AUTS2: variants seen among roughly 807,000 people sequenced by gnomAD.
AUTS2 encodes the protein autism susceptibility gene 2 protein.
A neutral mutation model predicts 112.4 loss-of-function variants in AUTS2; 17 were observed. The ratio of observed to expected loss-of-function variants is 0.15; its 90% CI spans 0.10 to 0.23. The LOEUF (loss-of-function observed/expected upper bound fraction) is 0.23. Ranked by LOEUF, AUTS2 falls within the 10% of genes least tolerant of loss-of-function variation. The probability of loss-of-function intolerance (pLI) is 1.00; values close to 1 mark genes in which losing one functional copy is unlikely to be tolerated. For missense variants in AUTS2, 1,510 were observed against 1,701.6 expected, an observed-to-expected ratio of 0.89 and a Z score of 1.98; for synonymous variants, 751 against 702.7, an observed-to-expected ratio of 1.07 and a Z score of -1.09.
intron 5 of AUTS2, among the ~76,000 whole-genome samples, chr7:70,591,299 C>T (rs762845990): frequency 4.7e-5 from 7 of 149,598 alleles, no homozygotes; most frequent in Admixed American, 4.0e-4. Flanking sequence ...CCATGCTGCC[C>T]GCTTTGCTGG....
chr7:70,612,877 G>T (rs1011886730), intron 5 of AUTS2, among the ~76,000 whole-genome samples: 1 of 151,914 alleles, frequency 6.6e-6, no homozygotes, highest in Non-Finnish European at 1.5e-5. Context: ...CTGCCCTGGT[G>T]GTGGATCATT....
chr7:70,685,472 C>CAAAAAAAA (rs34403837), intron 5 of AUTS2, among the ~76,000 whole-genome samples: 2 of 65,978 alleles, frequency 3.0e-5, no homozygotes, highest in East Asian at 3.6e-4. Flanking sequence ...GACTCTGTCT[C>CAAAAAAAA]AAAAAAAAAA....
At chr7:70,649,349 A>G (rs1806356704) in intron 5 of AUTS2, among the ~76,000 whole-genome samples, 1 of 152,132 alleles carries the variant, frequency 6.6e-6, no homozygotes, top group African/African-American at 2.4e-5. Flanking sequence ...GCAATGAGCC[A>G]AGATCATGCC....
intron 5 of AUTS2, among the ~76,000 whole-genome samples, chr7:70,600,219 C>T (rs370336026): frequency 2.6e-4 from 40 of 152,280 alleles, no homozygotes; most frequent in African/African-American, 8.9e-4. Flanking sequence ...TAAAATTCAC[C>T]ACTTTAAAGT....
At chr7:70,671,645 A>G (rs1440671361) in intron 5 of AUTS2, among the ~76,000 whole-genome samples, 1 of 150,954 alleles carries the variant, frequency 6.6e-6, no homozygotes, top group East Asian at 1.9e-4. Context: ...CAGCCTGGGC[A>G]TGGCAAGTAA....
At chr7:70,650,703 A>T (rs112598955) in intron 5 of AUTS2, among the ~76,000 whole-genome samples, 3 of 152,242 alleles carry the variant, frequency 2.0e-5, no homozygotes, top group Non-Finnish European at 2.9e-5. Flanking sequence ...TGAGAAGTAC[A>T]TACATTTACC....
chr7:70,082,220 C>T (rs1314336161), intron 2 of AUTS2, among the ~76,000 whole-genome samples: 1 of 152,062 alleles, frequency 6.6e-6, no homozygotes, highest in Non-Finnish European at 1.5e-5. Flanking sequence ...TGACTACGTG[C>T]CTAAAATGTT....
At chr7:69,884,335 A>C (rs192662181) in intron 1 of AUTS2, among the ~76,000 whole-genome samples, 1 of 152,384 alleles carries the variant, frequency 6.6e-6, no homozygotes, top group Admixed American at 6.5e-5. Context: ...ATGTTTTTAT[A>C]TAGCAGTCAT....
At chr7:70,039,750 A>G (rs964757742) in intron 2 of AUTS2, among the ~76,000 whole-genome samples, 4 of 152,196 alleles carry the variant, frequency 2.6e-5, no homozygotes, top group Non-Finnish European at 5.9e-5. Context: ...AAAAACGTTC[A>G]AATTAATTTG....
Position 70,777,230 on chromosome 7 carries a change from C to T in AUTS2, c.2004+56C>T, listed in dbSNP as rs557362736. The T allele has an allele frequency of 1.7e-5, 26 of 1,502,032 alleles. No individual in the cohort carries two copies. In the Admixed American group the frequency reaches 2.2e-4, roughly 13 times the overall value. 93.0% of individuals were successfully genotyped at this position (1,502,032 alleles called of 1,614,324 possible). A position where few individuals can be genotyped will look rare whatever the true frequency, so the allele number is the denominator to read the frequency against. ...ATGGGATGCACATGTGAGTGTGTGA[C>T]GTGCTCGGGAGAACCTGATGAAGGA... On this transcript the variant is annotated intron_variant, in intron 14 of 18. Transcript: ENST00000342771.
chr7:69,855,480 T>A (rs188206124), intron 1 of AUTS2, among the ~76,000 whole-genome samples: 30 of 152,302 alleles, frequency 2.0e-4, no homozygotes, highest in Admixed American at 1.9e-3. Context: ...TGTTACTGTA[T>A]CCTCTGGACT....
At chr7:70,726,300 G>T (rs1228955107) in intron 6 of AUTS2, among the ~76,000 whole-genome samples, 4 of 151,224 alleles carry the variant, frequency 2.6e-5, no homozygotes, top group Admixed American at 2.6e-4. Flanking sequence ...GGAATATTTT[G>T]CTGTCATACC....
chr7:70,192,051 TG>T (rs1809928353), intron 4 of AUTS2, among the ~76,000 whole-genome samples: 1 of 152,150 alleles, frequency 6.6e-6, no homozygotes, highest in African/African-American at 2.4e-5. Context: ...CCTAACTCCT[TG>T]TTTTACCTCT....
intron 2 of AUTS2, among the ~76,000 whole-genome samples, chr7:69,983,145 G>T (rs1366077733): frequency 3.3e-5 from 5 of 152,140 alleles, no homozygotes; most frequent in Admixed American, 1.3e-4. Context: ...ACGGAACATT[G>T]ACATGAATTT....
At position 69,713,982 on chromosome 7, in the gene AUTS2, GT is replaced by G. The variant is rs1415927808; in HGVS notation, c.309+114023del. 2.0e-5 allele frequency among the ~76,000 whole-genome samples: 3 copies of G among 152,096 alleles called. No homozygotes were observed. The East Asian group carries it at 5.8e-4, about 29-fold the overall frequency. ...ATCTTTGCCAATTTAGGGTTACAAA[GT>G]TTCTTCTAGAAGTTTTGTCATGTTA... On this transcript the variant is annotated intron_variant, in intron 1 of 18. Coordinates refer to ENST00000342771, the MANE Select transcript of AUTS2 (RefSeq NM_015570.4).
intron 2 of AUTS2, among the ~76,000 whole-genome samples, chr7:70,049,873 G>A (rs73432193): frequency 6.6e-6 from 1 of 151,884 alleles, no homozygotes; most frequent in African/African-American, 2.4e-5. Flanking sequence ...TTGTGTGTGT[G>A]TATGTGTGTA....
At chr7:69,882,867 A>AATG (rs1794116059) in intron 1 of AUTS2, among the ~76,000 whole-genome samples, 1 of 152,208 alleles carries the variant, frequency 6.6e-6, no homozygotes, top group Admixed American at 6.5e-5. Flanking sequence ...TCCAATGCCA[A>AATG]ATGTAACCTT....
chr7:70,716,594 G>A (rs1810379537), intron 6 of AUTS2, among the ~76,000 whole-genome samples: 1 of 124,478 alleles, frequency 8.0e-6, no homozygotes, highest in South Asian at 2.7e-4. Flanking sequence ...CCTAGATGGC[G>A]CCACTGCACT....
intron 4 of AUTS2, among the ~76,000 whole-genome samples, chr7:70,324,733 C>T (rs777131893): frequency 2.7e-4 from 41 of 152,232 alleles, no homozygotes; most frequent in Non-Finnish European, 2.9e-4. Context: ...GACACTGAAA[C>T]TTTCCTAGGA....
Sources: allele counts gnomAD v4.1 joint callset (sites outside exome capture counted in the v4.1 genomes callset), GRCh38; gene constraint gnomAD v4.1.1; transcripts MANE v1.5; gene names NCBI Gene and HGNC (gene_info 2026-07-23, HGNC 2026-07-21).